Variants in HNRNPM observed in about 807,000 individuals in gnomAD.
HNRNPM encodes heterogeneous nuclear ribonucleoprotein M.
HNRNPM carries 11 observed loss-of-function variants against 73.1 expected under a neutral mutation model. The ratio of observed to expected loss-of-function variants is 0.15; its 90% CI spans 0.09 to 0.25. The LOEUF is 0.25. Among genes scored for constraint, HNRNPM ranks in the 10% least tolerant of loss-of-function variants. HNRNPM has a pLI of 1.00. For synonymous variants in HNRNPM, 407 were observed against 355.2 expected (o/e 1.15, Z -1.64); for missense variants, 789 against 1,067.9 (o/e 0.74, Z 3.64).
intron 5 of HNRNPM, among the ~76,000 whole-genome samples, chr19:8,464,954 CA>C (rs1969642270): frequency 6.6e-6 from 1 of 152,174 alleles, no homozygotes; most frequent in Admixed American, 6.5e-5. Flanking sequence ...GCAGAAGTTA[CA>C]AAACCCCATT....
chr19:8,475,503 A>G (rs941833717), intron 12 of HNRNPM, among the ~76,000 whole-genome samples: 2 of 152,178 alleles, frequency 1.3e-5, no homozygotes, highest in Non-Finnish European at 2.9e-5. Flanking sequence ...AAGGACAGAC[A>G]TCATTGTCAG....
At chr19:8,474,942 T>A (rs1970400867) in intron 12 of HNRNPM, among the ~76,000 whole-genome samples, 1 of 152,198 alleles carries the variant, frequency 6.6e-6, no homozygotes, top group Admixed American at 6.5e-5. Flanking sequence ...CTCGAACTCC[T>A]GACTTCATGT....
intron 9 of HNRNPM, among the ~76,000 whole-genome samples, chr19:8,469,438 A>G (rs1312735728): frequency 6.6e-6 from 1 of 152,224 alleles, no homozygotes; most frequent in Non-Finnish European, 1.5e-5. Context: ...ATAGTTGCAT[A>G]TCTCTGAATA....
intron 9 of HNRNPM, among the ~76,000 whole-genome samples, chr19:8,469,404 A>G (rs1969979622): frequency 1.3e-5 from 2 of 152,214 alleles, no homozygotes; most frequent in Non-Finnish European, 2.9e-5. Flanking sequence ...GGTGATGAAA[A>G]TGTTCTGGAA....
chr19:8,482,965 C>T (rs1971025314), intron 12 of HNRNPM, 193 bp from the exon 13 acceptor site: 1 of 555,570 alleles, frequency 1.8e-6, no homozygotes, highest in Non-Finnish European at 3.2e-6. Context: ...GGGGTCTTGG[C>T]ATCGTGACCC....
chr19:8,472,040 G>A (rs1039132844), intron 10 of HNRNPM, among the ~76,000 whole-genome samples: 1 of 151,874 alleles, frequency 6.6e-6, no homozygotes, highest in Non-Finnish European at 1.5e-5. Flanking sequence ...GCGTGGTGGC[G>A]CACGCCTGTA....
At chr19:8,455,755 T>G (rs1349933754) in intron 2 of HNRNPM, among the ~76,000 whole-genome samples, 181 bp downstream of exon 2, 2 of 149,230 alleles carry the variant, frequency 1.3e-5, no homozygotes, top group East Asian at 2.0e-4. Flanking sequence ...GTTTTTTTTT[T>G]GTTTTGTTTT....
chr19:8,486,892 C>T (rs1197959611), intron 14 of HNRNPM, 132 bp from the exon 15 acceptor site: 26 of 766,254 alleles, frequency 3.4e-5, no homozygotes, highest in Non-Finnish European at 5.3e-5. Flanking sequence ...TCCTGCTGAT[C>T]GCCTCAGTCT....
At chr19:8,451,781 C>T (rs1045472598) in intron 1 of HNRNPM, among the ~76,000 whole-genome samples, 7 of 152,162 alleles carry the variant, frequency 4.6e-5, no homozygotes, top group Admixed American at 1.3e-4. Context: ...CTCAGCTCAC[C>T]TCAGCCTCCC....
chr19:8,484,989 G>T (rs772091032), intron 13 of HNRNPM, among the ~76,000 whole-genome samples: 1 of 151,946 alleles, frequency 6.6e-6, no homozygotes, highest in Non-Finnish European at 1.5e-5. Flanking sequence ...GTCCCCAAAA[G>T]TGGCCAGCTG....
intron 15 of HNRNPM, 102 bp downstream of exon 15, chr19:8,487,177 G>A: frequency 1.0e-6 from 1 of 976,816 alleles, no homozygotes; most frequent in Non-Finnish European, 1.7e-6. Flanking sequence ...CGTCGGCTCA[G>A]GACCCATGGC....
At chr19:8,487,578 T>A in intron 15 of HNRNPM, 1 of 160,700 alleles carries the variant, frequency 6.2e-6, no homozygotes, top group Admixed American at 6.1e-5. Flanking sequence ...TCTGGAGGGC[T>A]CTGTCTGTGG....
At chr19:8,447,819 G>A (rs1968312498) in intron 1 of HNRNPM, among the ~76,000 whole-genome samples, 1 of 152,204 alleles carries the variant, frequency 6.6e-6, no homozygotes, top group African/African-American at 2.4e-5. Flanking sequence ...GAGGTCAGGA[G>A]ATAGAGACCA....
chr19:8,459,537 G>A (rs1452089456), intron 2 of HNRNPM, among the ~76,000 whole-genome samples: 1 of 152,128 alleles, frequency 6.6e-6, no homozygotes, highest in East Asian at 1.9e-4. Context: ...GATGAAGAAT[G>A]TTTGACAACA....
intron 10 of HNRNPM, among the ~76,000 whole-genome samples, chr19:8,471,977 C>T (rs1970173063): frequency 6.6e-6 from 1 of 151,978 alleles, no homozygotes; most frequent in South Asian, 2.1e-4. Flanking sequence ...TTGAGACCAT[C>T]CTGGCCAACA....
At chr19:8,468,482 C>A (rs191390612) in intron 8 of HNRNPM, among the ~76,000 whole-genome samples, 1 of 152,180 alleles carries the variant, frequency 6.6e-6, no homozygotes, top group African/African-American at 2.4e-5. Flanking sequence ...ATGATAGATT[C>A]ACGTGACTCA....
chr19:8,489,105 T>G lies in HNRNPM; in HGVS notation c.*251T>G. ...ATATGACTTTGATAATAAATACCGG[T>G]TCCTGAAAACGGCCTGCTTGTGTGT... On this transcript the variant is annotated 3_prime_UTR_variant, in exon 16 of 16. Transcript: ENST00000325495. The G allele has an allele frequency of 2.6e-6, 1 of 380,506 alleles. No individual in the cohort carries two copies. Among genetic ancestry groups the G allele is most frequent in the Non-Finnish European group, 4.9e-6 (1 of 203,826 alleles). 23.6% of individuals were successfully genotyped at this position (380,506 alleles called of 1,614,324 possible).
chr19:8,448,478 T>G (rs1168075854), intron 1 of HNRNPM, among the ~76,000 whole-genome samples: 2 of 150,356 alleles, frequency 1.3e-5, no homozygotes, highest in African/African-American at 4.9e-5. Flanking sequence ...GAGTAATTTT[T>G]TTTTTTTTTT....
Position 8,473,688 on chromosome 19 carries a change from T to C in HNRNPM, c.1022T>C (p.Phe341Ser). 1.3e-6 allele frequency: 2 copies of C among 1,575,618 alleles called. No individual in the cohort carries two copies. Among genetic ancestry groups the C allele is most frequent in the Non-Finnish European group, 1.7e-6 (2 of 1,146,646 alleles). ...GGAATGGGAATGGAAGGCATAGGATTTGGAATAAATAAAATGGGAGGTAAG... is the reference window on the plus strand; with the variant it reads ...GGAATGGGAATGGAAGGCATAGGATCTGGAATAAATAAAATGGGAGGTAAG... ...PAGMGMEGIG[F>S]GINKMGGMEG... is the part of the protein sequence containing the mutation. Residue 341 changes from phenylalanine (F) to serine (S), a missense_variant, in exon 11 of 16, where the codon TTT becomes TCT. Coordinates refer to ENST00000325495, the MANE Select transcript of HNRNPM (RefSeq NM_005968.5).
Sources: allele counts gnomAD v4.1 joint callset (sites outside exome capture counted in the v4.1 genomes callset), GRCh38; gene constraint gnomAD v4.1.1; transcripts MANE v1.5; gene names NCBI Gene and HGNC (gene_info 2026-07-23, HGNC 2026-07-21).